MAN1A2: variants seen among roughly 807,000 people sequenced by gnomAD.
MAN1A2 encodes mannosyl-oligosaccharide 1,2-alpha-mannosidase IB.
MAN1A2 carries 26 observed loss-of-function variants against 75.7 expected under a neutral mutation model. The observed-to-expected ratio is 0.34, with a 90% CI of 0.25 to 0.48. The LOEUF is 0.48. MAN1A2 is among the 20% of genes least tolerant of loss of function. The probability of loss-of-function intolerance (pLI) is 0.99; values close to 1 mark genes in which losing one functional copy is unlikely to be tolerated. For synonymous variants in MAN1A2, 247 were observed against 264.6 expected (o/e 0.93, Z 0.65); for missense variants, 562 against 775.5 (o/e 0.72, Z 3.27).
intron 5 of MAN1A2, among the ~76,000 whole-genome samples, chr1:117,437,375 A>G (rs1211834605): frequency 6.6e-6 from 1 of 152,232 alleles, no homozygotes; most frequent in Non-Finnish European, 1.5e-5. Context: ...TTAGAGTAGT[A>G]TCTTTAAACT....
chr1:117,506,974 TTTAAA>T (rs1429806114), intron 12 of MAN1A2, among the ~76,000 whole-genome samples: 2 of 151,666 alleles, frequency 1.3e-5, no homozygotes, highest in African/African-American at 2.4e-5. Flanking sequence ...GTGCCTTACT[TTTAAA>T]TATTAATAAA....
chr1:117,415,414 C>T (rs1570724688), intron 4 of MAN1A2, among the ~76,000 whole-genome samples: 1 of 151,976 alleles, frequency 6.6e-6, no homozygotes, highest in Admixed American at 6.6e-5. Flanking sequence ...CTGTATTATC[C>T]TTCACTACTT....
rs187688476 is a variant in MAN1A2 at position 117,505,525 on chromosome 1, A to G, written c.1793+2555A>G. Among the ~76,000 whole-genome samples the G allele has an allele frequency of 7.9e-5, 12 of 151,322 alleles. No homozygotes were observed. The East Asian group carries it at 2.3e-3, about 29-fold the overall frequency. On this transcript the variant is annotated intron_variant, in intron 12 of 12. Transcript: ENST00000356554. The stretch of plus-strand genomic sequence containing the variant: ...TATTTGCTACAATTTTTGCTTTTAG[A>G]AAAACATATATCTGGAGCAATAAAA...
chr1:117,400,124 G>C (rs1305598044), intron 1 of MAN1A2, among the ~76,000 whole-genome samples: 1 of 151,962 alleles, frequency 6.6e-6, no homozygotes, highest in Non-Finnish European at 1.5e-5. Context: ...CCTCATGTCA[G>C]TTTCTCATGG....
chr1:117,474,086 G>A lies in MAN1A2; in HGVS notation c.1168+7659G>A, dbSNP rs949685958. Among the ~76,000 whole-genome samples, 26 of 152,110 alleles carry A rather than the reference G, an allele frequency of 1.7e-4. 1 individual carries two copies. Among genetic ancestry groups the A allele is most frequent in the African/African-American group, 6.0e-4 (25 of 41,558 alleles). On this transcript the variant is annotated intron_variant, in intron 8 of 12. Transcript: ENST00000356554. The stretch of plus-strand genomic sequence containing the variant: ...CCACAGTTGATGTTTAACTGTCTGG[G>A]TACAACAGGAGAACAGTGGAGTAAG...
chr1:117,509,172 A>G (rs1365097801), intron 12 of MAN1A2, among the ~76,000 whole-genome samples: 1 of 151,850 alleles, frequency 6.6e-6, no homozygotes, highest in Admixed American at 6.6e-5. Context: ...CAGATGGCAC[A>G]CTGGGAAAAC....
intron 9 of MAN1A2, chr1:117,493,998 A>G (rs944944439): frequency 6.6e-6 from 1 of 152,032 alleles, no homozygotes; most frequent in Non-Finnish European, 1.5e-5. Context: ...TATTTTCTAC[A>G]TGCCAGGCAC....
chr1:117,479,974 C>G (rs1028999108), intron 8 of MAN1A2, among the ~76,000 whole-genome samples: 8 of 151,876 alleles, frequency 5.3e-5, no homozygotes, highest in Non-Finnish European at 1.2e-4. Context: ...CAAGATCTTC[C>G]TGAGTACTCT....
chr1:117,456,287 T>C (rs1557958181), intron 6 of MAN1A2, among the ~76,000 whole-genome samples: 1 of 151,994 alleles, frequency 6.6e-6, no homozygotes, highest in East Asian at 1.9e-4. Flanking sequence ...ATAGATAAAA[T>C]ATTTACAGTA....
chr1:117,476,803 C>T (rs976799648), intron 8 of MAN1A2, among the ~76,000 whole-genome samples: 33 of 152,010 alleles, frequency 2.2e-4, no homozygotes, highest in African/African-American at 8.0e-4. Context: ...ATGCCTCCAG[C>T]TTTGTTCTTT....
At chr1:117,487,959 C>T (rs1305948167) in intron 8 of MAN1A2, among the ~76,000 whole-genome samples, 1 of 151,998 alleles carries the variant, frequency 6.6e-6, no homozygotes, top group East Asian at 1.9e-4. Context: ...ACATTACCAT[C>T]CTTATAAAAT....
Position 117,503,342 on chromosome 1 carries a change from C to T in MAN1A2, c.1793+372C>T, listed in dbSNP as rs117864039. ...AAGCTCCCATGTGTTACTGATAATG[C>T]TGGTCCTGGACTCATACCTGAGCTC... is the stretch of plus-strand genomic sequence containing the variant. On this transcript the variant is annotated intron_variant, in intron 12 of 12. Transcript: ENST00000356554. Among the ~76,000 whole-genome samples the T allele has an allele frequency of 9.6e-4, 145 of 151,576 alleles. 2 individuals carry two copies. In the East Asian group the frequency reaches 0.024, roughly 25 times the overall value.
chr1:117,514,001 C>T (rs1284661226), intron 12 of MAN1A2, among the ~76,000 whole-genome samples: 4 of 152,070 alleles, frequency 2.6e-5, no homozygotes, highest in Non-Finnish European at 4.4e-5. Flanking sequence ...ATTTGTGATA[C>T]CAGCTTACCT....
Position 117,523,049 on chromosome 1 carries a change from A to G in MAN1A2, c.*92A>G, listed in dbSNP as rs1651912231. 1 of 1,360,378 alleles carries G rather than the reference A, an allele frequency of 7.4e-7. No individual in the cohort carries two copies. Among genetic ancestry groups the G allele is most frequent in the Non-Finnish European group, 1.0e-6 (1 of 961,990 alleles). The allele number at this position is 1,360,378 out of a possible 1,614,324, so 84.3% of individuals were successfully genotyped here. A position where few individuals can be genotyped will look rare whatever the true frequency, so the allele number is the denominator to read the frequency against. ...GAAGGGGCGGCTTTTGAAAACCTGG[A>G]CCTCTATGTCAACATGACAGGGTGA... On this transcript the variant is annotated 3_prime_UTR_variant, in exon 13 of 13. Transcript: ENST00000356554.
chr1:117,433,515 A>G (rs893796804), intron 5 of MAN1A2, among the ~76,000 whole-genome samples: 3 of 152,204 alleles, frequency 2.0e-5, no homozygotes, highest in South Asian at 2.1e-4. Flanking sequence ...CACTATTTAC[A>G]TTTAGCATTG....
chr1:117,429,847 G>A (rs1349776062), intron 5 of MAN1A2, among the ~76,000 whole-genome samples: 6 of 71,324 alleles, frequency 8.4e-5, no homozygotes, highest in African/African-American at 2.1e-4. Context: ...GCGGCTGGCC[G>A]GGCGGGGGGC....
intron 8 of MAN1A2, among the ~76,000 whole-genome samples, chr1:117,475,532 A>G (rs181104099): frequency 1.3e-5 from 2 of 151,944 alleles, no homozygotes; most frequent in Admixed American, 6.6e-5. Flanking sequence ...ACCCACCGAC[A>G]GGCCCCGGTG....
At chr1:117,404,774 G>T (rs952205743) in intron 2 of MAN1A2, among the ~76,000 whole-genome samples, 4 of 152,108 alleles carry the variant, frequency 2.6e-5, no homozygotes, top group African/African-American at 9.7e-5. Context: ...TAAATTTTAG[G>T]CTGGGCATGG....
intron 10 of MAN1A2, among the ~76,000 whole-genome samples, chr1:117,497,344 A>G (rs1029454713): frequency 1.1e-4 from 17 of 152,014 alleles, no homozygotes; most frequent in Middle Eastern, 3.2e-3. Flanking sequence ...GACTTCAGTT[A>G]TATTGCCTTG....
Sources: allele counts gnomAD v4.1 joint callset (sites outside exome capture counted in the v4.1 genomes callset), GRCh38; gene constraint gnomAD v4.1.1; transcripts MANE v1.5; gene names NCBI Gene and HGNC (gene_info 2026-07-23, HGNC 2026-07-21).